FOSL2: variants seen among roughly 807,000 people sequenced by gnomAD.
FOSL2 encodes the protein FOS like 2, AP-1 transcription factor subunit, also known as fos-related antigen 2.
FOSL2 carries 3 observed loss-of-function variants against 27.7 expected under a neutral mutation model. The ratio of observed to expected loss-of-function variants is 0.11; its 90% CI spans 0.05 to 0.28. The LOEUF (loss-of-function observed/expected upper bound fraction) is 0.28, where lower values mean the gene tolerates loss of function less well. FOSL2 is among the 10% of genes least tolerant of loss of function. The pLI, the probability that FOSL2 is intolerant of heterozygous loss-of-function variation, is 1.00. For missense variants in FOSL2, 333 were observed against 445.1 expected, an observed-to-expected ratio of 0.75 and a Z score of 2.27; for synonymous variants, 179 against 190.1, an observed-to-expected ratio of 0.94 and a Z score of 0.48.
At position 28,404,017 on chromosome 2, in the gene FOSL2, G is replaced by T; in HGVS notation, c.103-90G>T. 1 of 1,499,590 alleles carries T rather than the reference G, an allele frequency of 6.7e-7. No individual in the cohort carries two copies. Among genetic ancestry groups the T allele is most frequent in the Non-Finnish European group, 9.1e-7 (1 of 1,095,576 alleles). 92.9% of individuals were successfully genotyped at this position (1,499,590 alleles called of 1,614,324 possible). A position where few individuals can be genotyped will look rare whatever the true frequency, so the allele number is the denominator to read the frequency against. On this transcript the variant is annotated intron_variant, in intron 1 of 3. Coordinates refer to ENST00000264716, the MANE Select transcript of FOSL2 (RefSeq NM_005253.4). The surrounding 1 kb of genome is among the most constrained non-coding windows in gnomAD (Gnocchi z 4.7). The stretch of plus-strand genomic sequence containing the variant: ...CGAACACTGACTGTGCTCTGTGCTG[G>T]TTTTTGCCTCAGCTCTGTTCAATTA...
In FOSL2 at chr2:28,404,191, A is replaced by T. The variant is rs2148087572; in HGVS notation, c.187A>T (p.Met63Leu). Reference protein sequence around the residue: ...AITTSQDLQWMVQPTVITSMS... With the variant: ...AITTSQDLQWLVQPTVITSMS... Reference sequence around the variant, plus strand: ...CACGACCAGCCAGGACCTGCAGTGGATGGTGCAGCCCACAGTGATCACCTC... The same window carrying T: ...CACGACCAGCCAGGACCTGCAGTGGTTGGTGCAGCCCACAGTGATCACCTC... The change falls in exon 2 of 4, where the codon ATG (methionine) becomes TTG (leucine). Residue 63 changes from methionine (M) to leucine (L), a missense_variant. Coordinates refer to ENST00000264716, the MANE Select transcript of FOSL2 (RefSeq NM_005253.4). The surrounding 1 kb of genome is among the most constrained non-coding windows in gnomAD (Gnocchi z 4.7). The T allele has an allele frequency of 6.2e-7, 1 of 1,614,136 alleles. No homozygotes were observed. Among genetic ancestry groups the T allele is most frequent in the Admixed American group, 1.7e-5 (1 of 60,020 alleles).
At chr2:28,411,186 G>C (rs899197667) in intron 3 of FOSL2, among the ~76,000 whole-genome samples, 1 of 151,976 alleles carries the variant, frequency 6.6e-6, no homozygotes, top group Non-Finnish European at 1.5e-5. Flanking sequence ...AGTGAAAAAA[G>C]GGAGGAGGAG....
Position 28,393,567 on chromosome 2 carries a change from C to T in FOSL2, c.-154C>T, listed in dbSNP as rs1558562779. On this transcript the variant is annotated 5_prime_UTR_variant, in exon 1 of 4. Coordinates refer to ENST00000264716, the MANE Select transcript of FOSL2 (RefSeq NM_005253.4). This position sits in a 1 kb window ranked among gnomAD's most constrained non-coding sequence, Gnocchi z 4.6. ...CCTGAGGTGTCGCCGCCTCCCTGTC[C>T]TCGCCCTCCGCGGTGGGGGAGAAAC... The T allele has an allele frequency of 6.7e-6, 4 of 597,500 alleles. No homozygotes were observed. Among genetic ancestry groups the T allele is most frequent in the Admixed American group, 3.4e-5 (1 of 29,010 alleles). 37.0% of individuals were successfully genotyped at this position (597,500 alleles called of 1,614,324 possible). A position where few individuals can be genotyped will look rare whatever the true frequency, so the allele number is the denominator to read the frequency against.
intron 3 of FOSL2, chr2:28,410,426 C>G (rs569661014): frequency 2.4e-5 from 7 of 286,444 alleles, no homozygotes; most frequent in Non-Finnish European, 3.7e-5. Context: ...CCACCTCCCC[C>G]GCCCTCTGAC....
In FOSL2 at chr2:28,408,942, C is replaced by T; in HGVS notation, c.462+76C>T. ...AGCCCCGGGGGTCCTGATCCTCTCT[C>T]CCACAGCTGTCTCCTTACCCACAAA... On this transcript the variant is annotated intron_variant, in intron 3 of 3. Transcript: ENST00000264716. This position sits in a 1 kb window ranked among gnomAD's most constrained non-coding sequence, Gnocchi z 4.1. 2.1e-6 allele frequency: 2 copies of T among 957,844 alleles called. No individual in the cohort carries two copies. The highest frequency in any genetic ancestry group is 3.1e-6 in the Non-Finnish European group (2 of 644,852). The allele number at this position is 957,844 out of a possible 1,614,324, so 59.3% of individuals were successfully genotyped here.
At chr2:28,409,547 C>T (rs975818677) in intron 3 of FOSL2, among the ~76,000 whole-genome samples, 1 of 152,036 alleles carries the variant, frequency 6.6e-6, no homozygotes, top group Non-Finnish European at 1.5e-5. Context: ...TTGACCTGAC[C>T]AACGTCACGT....
At position 28,407,254 on chromosome 2, in the gene FOSL2, T is replaced by C. The variant is rs76698811; in HGVS notation, c.355-1505T>C. On this transcript the variant is annotated intron_variant, in intron 2 of 3. Transcript: ENST00000264716. ...CAGTGGTGAGCCCTAAACCCAGGCC[T>C]GCAGCAGGGCCATAAGGCTTTCTTG... Among the ~76,000 whole-genome samples, 578 of 152,314 alleles carry C rather than the reference T, an allele frequency of 3.8e-3. 4 individuals are homozygous for C. The highest frequency in any genetic ancestry group is 0.014 in the African/African-American group (563 of 41,570).
intron 1 of FOSL2, among the ~76,000 whole-genome samples, chr2:28,394,279 T>G (rs1345002893): frequency 6.6e-6 from 1 of 152,030 alleles, no homozygotes; most frequent in Non-Finnish European, 1.5e-5. Context: ...CCGTTCTCCA[T>G]CAGTCATAAC....
At position 28,392,945 on chromosome 2, in the gene FOSL2, GGAGAGAGAGA is replaced by G. The variant is rs72195155; in HGVS notation, c.-764_-755del. ...CGGCGCTCGGCGGGGACAGAAAGAG[GGAGAGAGAGA>G]GAGAGAGAGAGGGAGAGGCGCGGCC... is the stretch of plus-strand genomic sequence containing the variant. On this transcript the variant is annotated 5_prime_UTR_variant, in exon 1 of 4. Coordinates refer to ENST00000264716, the MANE Select transcript of FOSL2 (RefSeq NM_005253.4). The G allele has an allele frequency of 5.9e-6, 4 of 676,506 alleles. No individual in the cohort carries two copies. Among genetic ancestry groups the G allele is most frequent in the Admixed American group, 2.1e-5 (1 of 48,228 alleles). 41.9% of individuals were successfully genotyped at this position (676,506 alleles called of 1,614,324 possible).
intron 1 of FOSL2, among the ~76,000 whole-genome samples, chr2:28,402,385 A>G (rs114245244): frequency 3.4e-3 from 521 of 152,370 alleles, no homozygotes; most frequent in African/African-American, 0.012. Flanking sequence ...CATGCAGACT[A>G]GGGTCAGGCA....
chr2:28,400,972 G>C (rs927060853), intron 1 of FOSL2, among the ~76,000 whole-genome samples: 5 of 152,288 alleles, frequency 3.3e-5, no homozygotes, highest in South Asian at 4.1e-4. Context: ...AAAGCTGACA[G>C]CTTCCCCATG....
intron 1 of FOSL2, among the ~76,000 whole-genome samples, chr2:28,398,538 C>A (rs1663906542): frequency 6.6e-6 from 1 of 152,234 alleles, no homozygotes; most frequent in Non-Finnish European, 1.5e-5. Context: ...CGCTTCTGGC[C>A]AAAAGGGCCC....
rs188283675 is a variant in FOSL2, at chr2:28,415,895, A to C, written c.*3447A>C. ...TTGTTCTCAAGGACTTATCCCCTAC[A>C]ATATTCTCCCACTCCATACTTCTCC... On this transcript the variant is annotated 3_prime_UTR_variant, in exon 4 of 4. Transcript: ENST00000264716. 2.6e-5 allele frequency: 4 copies of C among 152,186 alleles called. No homozygotes were observed. The highest frequency in any genetic ancestry group is 2.1e-4 in the South Asian group (1 of 4,818). The allele number at this position is 152,186 out of a possible 1,614,324, so 9.4% of individuals were successfully genotyped here.
intron 1 of FOSL2, among the ~76,000 whole-genome samples, chr2:28,398,601 G>A (rs1663908618): frequency 6.6e-6 from 1 of 152,236 alleles, no homozygotes; most frequent in African/African-American, 2.4e-5. Flanking sequence ...TTCTCTTTCT[G>A]TTTCTTTCCT....
chr2:28,396,913 A>G (rs910499169), intron 1 of FOSL2: 2 of 151,942 alleles, frequency 1.3e-5, no homozygotes, highest in African/African-American at 2.4e-5. Context: ...TTTACCAGAA[A>G]TGACTGTGAT....
rs1363987281 is a variant in FOSL2 at position 28,393,792 on chromosome 2, G to C, written c.72G>C (p.Glu24Asp). Residue 24 changes from glutamate (E) to aspartate (D), a missense_variant, in exon 1 of 4, where the codon GAG (glutamate) becomes GAC (aspartate). Physicochemically the swap from Glu to Asp is conservative, Grantham distance 45 (BLOSUM62 2). Coordinates refer to ENST00000264716, the MANE Select transcript of FOSL2 (RefSeq NM_005253.4). This position sits in a 1 kb window ranked among gnomAD's most constrained non-coding sequence, Gnocchi z 4.6. Reference protein sequence around the residue: ...RGSSGSPAHAESYSSGGGGQQ... With the variant: ...RGSSGSPAHADSYSSGGGGQQ... Reference sequence around the variant, plus strand: ...GCAGCGGCTCTCCTGCGCACGCCGAGTCCTACTCCAGCGGCGGCGGCGGCC... The same window carrying C: ...GCAGCGGCTCTCCTGCGCACGCCGACTCCTACTCCAGCGGCGGCGGCGGCC... The C allele has an allele frequency of 1.9e-6, 3 of 1,606,256 alleles. No individual in the cohort carries two copies. Among genetic ancestry groups the C allele is most frequent in the Non-Finnish European group, 2.5e-6 (3 of 1,177,044 alleles).
chr2:28,412,522 G>A lies in FOSL2; in HGVS notation c.*74G>A. ...CCTTCCCAGGGACCAGCACCTTCAA[G>A]CGCTCCAGGGCCGTGAGGGCAAGAG... On this transcript the variant is annotated 3_prime_UTR_variant, in exon 4 of 4. Coordinates refer to ENST00000264716, the MANE Select transcript of FOSL2 (RefSeq NM_005253.4). This position sits in a 1 kb window ranked among gnomAD's most constrained non-coding sequence, Gnocchi z 7.1. The A allele has an allele frequency of 6.6e-7, 1 of 1,521,894 alleles. No individual in the cohort carries two copies. The highest frequency in any genetic ancestry group is 8.8e-7 in the Non-Finnish European group (1 of 1,132,244). The allele number at this position is 1,521,894 out of a possible 1,614,324, so 94.3% of individuals were successfully genotyped here.
chr2:28,412,228 G>C lies in FOSL2; in HGVS notation c.761G>C (p.Gly254Ala). The change falls in exon 4 of 4, where the codon GGC (glycine) becomes GCC (alanine). Residue 254 changes from glycine to alanine, a missense_variant. Physicochemically the swap from Gly to Ala is moderately conservative, Grantham distance 60. This residue lies in a region of FOSL2 where 136 missense variants were observed against 123.7 expected (regional missense o/e 1.10). Coordinates refer to ENST00000264716, the MANE Select transcript of FOSL2 (RefSeq NM_005253.4). This position sits in a 1 kb window ranked among gnomAD's most constrained non-coding sequence, Gnocchi z 7.1. Reference protein sequence around the residue: ...SVIKPISIAGGFYGEEPLHTP... With the variant: ...SVIKPISIAGAFYGEEPLHTP... ...ATCAAGCCCATCAGCATTGCTGGGG[G>C]CTTCTACGGTGAGGAGCCCCTGCAC... 6.2e-7 allele frequency: 1 copy of C among 1,613,830 alleles called. No homozygotes were observed. The highest frequency in any genetic ancestry group is 8.5e-7 in the Non-Finnish European group (1 of 1,179,950).
At position 28,393,038 on chromosome 2, in the gene FOSL2, C is replaced by CGGAGCGG. The variant is rs1424992766; in HGVS notation, c.-673_-667dup. On this transcript the variant is annotated 5_prime_UTR_variant, in exon 1 of 4. Transcript: ENST00000264716. This position sits in a 1 kb window ranked among gnomAD's most constrained non-coding sequence, Gnocchi z 4.6. ...GGGGAAGGGGTGCGGGTCTGGGCGCCGGAGCGGGGAGCGGGGCCGCGTCCC... is the reference window on the plus strand; with the variant it reads ...GGGGAAGGGGTGCGGGTCTGGGCGCCGGAGCGGGGAGCGGGGAGCGGGGCCGCGTCCC... 42 of 536,566 alleles carry CGGAGCGG rather than the reference C, an allele frequency of 7.8e-5. 1 individual carries two copies. The highest frequency in any genetic ancestry group is 6.8e-4 in the African/African-American group (34 of 50,122). 33.2% of individuals were successfully genotyped at this position (536,566 alleles called of 1,614,324 possible).
Sources: allele counts gnomAD v4.1 joint callset (sites outside exome capture counted in the v4.1 genomes callset), GRCh38; gene constraint gnomAD v4.1.1; regional missense constraint gnomAD v4.1.1; non-coding constraint Gnocchi (gnomAD v3.1); transcripts MANE v1.5; gene names NCBI Gene and HGNC (gene_info 2026-07-23, HGNC 2026-07-21).